Variants in SORCS2 observed in about 807,000 individuals in gnomAD.
SORCS2 encodes the protein VPS10 domain-containing receptor SorCS2.
Under a neutral mutation model 141.6 loss-of-function variants are expected in SORCS2, and 100 were observed. The ratio of observed to expected loss-of-function variants is 0.71; its 90% CI spans 0.60 to 0.83. The LOEUF is 0.83. Ranked by LOEUF, SORCS2 falls within the 40% of genes least tolerant of loss-of-function variation. The pLI is 0.00. For synonymous variants in SORCS2, 789 were observed against 676.9 expected, an observed-to-expected ratio of 1.17 and a Z score of -2.57; for missense variants, 1,646 against 1,560.2, an observed-to-expected ratio of 1.05 and a Z score of -0.93.
chr4:7,583,960 C>T (rs185012020), intron 3 of SORCS2, among the ~76,000 whole-genome samples: 1 of 152,268 alleles, frequency 6.6e-6, no homozygotes, highest in Admixed American at 6.5e-5. Context: ...CAGCCTTTAC[C>T]CCTTGTCTCA....
chr4:7,693,904 A>G (rs922816982), intron 11 of SORCS2, among the ~76,000 whole-genome samples: 3 of 152,220 alleles, frequency 2.0e-5, no homozygotes, highest in African/African-American at 4.8e-5. Context: ...TGGGAGCTGA[A>G]CTGAGCCCCA....
intron 1 of SORCS2, among the ~76,000 whole-genome samples, chr4:7,243,636 A>G (rs1311347996): frequency 6.6e-6 from 1 of 152,204 alleles, no homozygotes; most frequent in Non-Finnish European, 1.5e-5. Flanking sequence ...CTCGCCAGAC[A>G]CACACCAAAA....
chr4:7,357,601 C>T (rs1392602494), intron 1 of SORCS2, among the ~76,000 whole-genome samples: 1 of 152,224 alleles, frequency 6.6e-6, no homozygotes, highest in Non-Finnish European at 1.5e-5. Flanking sequence ...GTGATTTAAC[C>T]TGTCAGAGGC....
At chr4:7,571,354 G>C (rs1239132754) in intron 3 of SORCS2, among the ~76,000 whole-genome samples, 1 of 152,162 alleles carries the variant, frequency 6.6e-6, no homozygotes, top group East Asian at 1.9e-4. Flanking sequence ...TGGGTGGTGG[G>C]TATGACAAGG....
chr4:7,227,638 C>T (rs2108770777), intron 1 of SORCS2, among the ~76,000 whole-genome samples: 1 of 152,256 alleles, frequency 6.6e-6, no homozygotes, highest in South Asian at 2.1e-4. Flanking sequence ...TCCCTCCAGC[C>T]CCATTGCCAG....
chr4:7,559,994 A>G (rs1714418643), intron 3 of SORCS2, among the ~76,000 whole-genome samples: 2 of 152,132 alleles, frequency 1.3e-5, no homozygotes, highest in South Asian at 4.1e-4. Flanking sequence ...TGTCCTTTAG[A>G]TGTGTGCCGG....
At chr4:7,195,969 C>G (rs1727144459) in intron 1 of SORCS2, among the ~76,000 whole-genome samples, 1 of 152,208 alleles carries the variant, frequency 6.6e-6, no homozygotes, top group African/African-American at 2.4e-5. Context: ...TTAAAAGGAG[C>G]ATTTGATGAG....
chr4:7,654,234 C>A, intron 5 of SORCS2, 27 bp downstream of exon 5: 1 of 1,558,124 alleles, frequency 6.4e-7, no homozygotes, highest in East Asian at 2.4e-5. Flanking sequence ...ACCCCAAACC[C>A]ATGGGGCCCG....
intron 1 of SORCS2, among the ~76,000 whole-genome samples, chr4:7,315,970 T>C (rs1173654837): frequency 6.6e-6 from 1 of 151,998 alleles, no homozygotes; most frequent in African/African-American, 2.4e-5. Context: ...TCTACCCATC[T>C]ATTTATCCAT....
At chr4:7,639,765 G>T (rs1382134932) in intron 4 of SORCS2, among the ~76,000 whole-genome samples, 1 of 151,778 alleles carries the variant, frequency 6.6e-6, no homozygotes, top group African/African-American at 2.4e-5. Context: ...GTGTATGTGG[G>T]TGTGAACGTG....
chr4:7,477,365 A>T (rs62277642), intron 2 of SORCS2, among the ~76,000 whole-genome samples: 24 of 134,912 alleles, frequency 1.8e-4, no homozygotes, highest in South Asian at 6.6e-4. Context: ...ACTGGGGCTG[A>T]CCGTGGCTGA....
chr4:7,632,592 C>G (rs750740328), intron 3 of SORCS2, among the ~76,000 whole-genome samples: 1 of 152,184 alleles, frequency 6.6e-6, no homozygotes, highest in South Asian at 2.1e-4. Context: ...TTTCTCCTCT[C>G]GCCTCCGTGT....
chr4:7,402,639 G>A (rs988207856), intron 2 of SORCS2, among the ~76,000 whole-genome samples: 1 of 152,158 alleles, frequency 6.6e-6, no homozygotes, highest in Non-Finnish European at 1.5e-5. Flanking sequence ...TCAGATGCTT[G>A]GATAGGGTGG....
chr4:7,669,373 G>T (rs1196054585), intron 8 of SORCS2, among the ~76,000 whole-genome samples: 1 of 152,184 alleles, frequency 6.6e-6, no homozygotes, highest in Non-Finnish European at 1.5e-5. Context: ...CAAGAAGTGG[G>T]CAAGCTGGGC....
chr4:7,668,534 A>G (rs4689817), intron 8 of SORCS2, among the ~76,000 whole-genome samples: 5,100 of 152,250 alleles, frequency 0.033, 279 homozygotes, highest in East Asian at 0.29. Context: ...CTTAATGTAA[A>G]GTGCTTGCAC....
At chr4:7,291,483 G>A (rs1716599819) in intron 1 of SORCS2, among the ~76,000 whole-genome samples, 1 of 152,186 alleles carries the variant, frequency 6.6e-6, no homozygotes, top group Admixed American at 6.5e-5. Context: ...TGGCTCGGTG[G>A]TGGATGGTGG....
At chr4:7,333,800 T>G (rs1435631376) in intron 1 of SORCS2, among the ~76,000 whole-genome samples, 2 of 152,222 alleles carry the variant, frequency 1.3e-5, no homozygotes, top group East Asian at 3.8e-4. Context: ...CAGTGCTTTC[T>G]GTCAAAACAT....
At chr4:7,494,459 G>T (rs1446278023) in intron 2 of SORCS2, among the ~76,000 whole-genome samples, 1 of 151,998 alleles carries the variant, frequency 6.6e-6, no homozygotes, top group African/African-American at 2.4e-5. Context: ...AGGTTCTGGT[G>T]TGGGCCTCTT....
chr4:7,607,403 G>A (rs1006993406), intron 3 of SORCS2, among the ~76,000 whole-genome samples: 2 of 152,008 alleles, frequency 1.3e-5, no homozygotes, highest in South Asian at 2.1e-4. Flanking sequence ...AGCCTGCCCC[G>A]CCACCTTCCA....
Sources: gnomAD v4.1 joint callset for allele counts (sites outside exome capture counted in the v4.1 genomes callset) on GRCh38, gnomAD v4.1.1 for gene constraint, MANE v1.5 for transcripts, NCBI Gene and HGNC (gene_info 2026-07-23, HGNC 2026-07-21) for gene names.